Variants in CELF2 observed in about 807,000 individuals in gnomAD.
The protein encoded by CELF2 is CUG triplet repeat RNA-binding protein 2.
A neutral mutation model predicts 62.6 loss-of-function variants in CELF2; 8 were observed. That is an observed-to-expected ratio of 0.13 (90% confidence interval 0.07 to 0.23). The LOEUF is 0.23. CELF2 is among the 10% of genes least tolerant of loss of function. The probability of loss-of-function intolerance (pLI) is 1.00; values close to 1 mark genes in which losing one functional copy is unlikely to be tolerated. For missense variants in CELF2, 333 were observed against 671.0 expected (o/e 0.50, Z 5.56); for synonymous variants, 258 against 250.0 (o/e 1.03, Z -0.30).
In CELF2 at chr10:11,018,060, C is replaced by A. The variant is rs563876031; in HGVS notation, c.-30C>A. On this transcript the variant is annotated 5_prime_UTR_variant, in exon 1 of 13. Coordinates refer to ENST00000633077, the MANE Select transcript of CELF2 (RefSeq NM_001326342.2). ...GCTCGGACGCGCGCAGAGCCGCCCC[C>A]CGCCGCTGCCGCCGCGTGCGCCCGC... The A allele has an allele frequency of 4.0e-5, 56 of 1,407,406 alleles. No individual in the cohort carries two copies. The highest frequency in any genetic ancestry group is 2.1e-4 in the South Asian group (16 of 76,596). 87.2% of individuals were successfully genotyped at this position (1,407,406 alleles called of 1,614,324 possible).
the CELF2 span, among the ~76,000 whole-genome samples, chr10:10,481,621 C>G: frequency 6.6e-6 from 1 of 152,174 alleles, no homozygotes; most frequent in African/African-American, 2.4e-5. Context: ...ACACCAGTAC[C>G]TGGCCATTTG....
At chr10:10,519,620 T>G in the CELF2 span, among the ~76,000 whole-genome samples, 1 of 152,182 alleles carries the variant, frequency 6.6e-6, no homozygotes, top group Non-Finnish European at 1.5e-5. Flanking sequence ...TCCTCAAAGC[T>G]TTCTTAGAAG....
chr10:10,749,728 C>T, the CELF2 span, among the ~76,000 whole-genome samples: 5 of 152,188 alleles, frequency 3.3e-5, no homozygotes, highest in East Asian at 3.9e-4. Flanking sequence ...TCTATAAAGA[C>T]GAAAAGACTG....
At position 11,211,784 on chromosome 10, in the gene CELF2, A is replaced by ATGTG. The variant is rs10624733; in HGVS notation, c.272-5636_272-5633dup. ...TGTGAGTGAGTGAGAGTGTGTGTGT[A>ATGTG]TGTGTGTGAGAGAGAGAGAGAGAGA... is the stretch of plus-strand genomic sequence containing the variant. On this transcript the variant is annotated intron_variant, in intron 2 of 12. Transcript: ENST00000633077. The surrounding 1 kb of genome is among the most constrained non-coding windows in gnomAD (Gnocchi z 4.8). Among the ~76,000 whole-genome samples the ATGTG allele has an allele frequency of 3.1e-4, 40 of 129,448 alleles. No individual in the cohort carries two copies. The South Asian group carries it at 4.5e-3, about 14-fold the overall frequency. The allele number at this position is 129,448 out of a possible 152,430, so 84.9% of individuals were successfully genotyped here. A position where few individuals can be genotyped will look rare whatever the true frequency, so the allele number is the denominator to read the frequency against.
chr10:11,208,186 G>A (rs1455112544), intron 2 of CELF2, among the ~76,000 whole-genome samples: 1 of 152,136 alleles, frequency 6.6e-6, no homozygotes, highest in African/African-American at 2.4e-5. Context: ...TAAAATGGGA[G>A]GGTGTGGGGA....
chr10:10,990,085 A>G lies in CELF2; in HGVS notation c.89+70086A>G, dbSNP rs1299957824. On this transcript the variant is annotated intron_variant, in intron 2 of 13. Coordinates refer to the CELF2 transcript ENST00000636488. The surrounding 1 kb of genome is among the most constrained non-coding windows in gnomAD (Gnocchi z 4.6). ...TATCTTCTCTCTGAAGAAAATCAGA[A>G]TTACCCACATACATTCACAAGAATT... Among the ~76,000 whole-genome samples the G allele has an allele frequency of 6.6e-6, 1 of 152,170 alleles. No individual in the cohort carries two copies. The highest frequency in any genetic ancestry group is 6.5e-5 in the Admixed American group (1 of 15,272).
chr10:10,501,348 T>C, the CELF2 span, among the ~76,000 whole-genome samples: 2 of 152,218 alleles, frequency 1.3e-5, no homozygotes, highest in Non-Finnish European at 2.9e-5. Flanking sequence ...TGCACTTTGC[T>C]ACTTGCTAAT....
rs925608443 is a variant in CELF2 at position 11,117,017 on chromosome 10, G to T, written c.75-48469G>T. Among the ~76,000 whole-genome samples the T allele has an allele frequency of 2.0e-5, 3 of 152,152 alleles. No individual in the cohort carries two copies. The highest frequency in any genetic ancestry group is 4.4e-5 in the Non-Finnish European group (3 of 68,028). ...GGGCACAGTTAAGTCATGTGCCCAG[G>T]ATCACACAGCTGGTAATGGCAGAAC... is the stretch of plus-strand genomic sequence containing the variant. On this transcript the variant is annotated intron_variant, in intron 1 of 12. Coordinates refer to ENST00000633077, the MANE Select transcript of CELF2 (RefSeq NM_001326342.2). The surrounding 1 kb of genome is among the most constrained non-coding windows in gnomAD (Gnocchi z 4.1).
chr10:11,018,004 T>A lies in CELF2; in HGVS notation c.-86T>A, dbSNP rs972492358. ...GCCGCCGGGGGAGGCCGCGCGCACC[T>A]GTCCCTGCCCGTCTCGCGCCGCCCG... On this transcript the variant is annotated 5_prime_UTR_variant, in exon 1 of 13. Transcript: ENST00000633077. The A allele has an allele frequency of 3.6e-4, 370 of 1,027,210 alleles. No homozygotes were observed. Among genetic ancestry groups the A allele is most frequent in the Non-Finnish European group, 4.1e-4 (354 of 860,462 alleles). 63.6% of individuals were successfully genotyped at this position (1,027,210 alleles called of 1,614,324 possible). A position where few individuals can be genotyped will look rare whatever the true frequency, so the allele number is the denominator to read the frequency against.
intron 2 of CELF2, among the ~76,000 whole-genome samples, chr10:10,989,976 T>C (rs773323983): frequency 6.6e-6 from 1 of 152,150 alleles, no homozygotes; most frequent in Admixed American, 6.5e-5. Flanking sequence ...CACTTGAGAA[T>C]AGCAAGCCAC....
chr10:11,223,937 A>G lies in CELF2; in HGVS notation c.354+6430A>G, dbSNP rs1028175645. ...CACCCGCCATAAAGTTTTACACACT[A>G]CCTGAATAGCAGGTTGTTTTGGTTT... On this transcript the variant is annotated intron_variant, in intron 3 of 12. Transcript: ENST00000633077. The surrounding 1 kb of genome is among the most constrained non-coding windows in gnomAD (Gnocchi z 5.1). Among the ~76,000 whole-genome samples, 16 of 152,252 alleles carry G rather than the reference A, an allele frequency of 1.1e-4. No individual in the cohort carries two copies. The highest frequency in any genetic ancestry group is 4.1e-4 in the South Asian group (2 of 4,836).
the CELF2 span, among the ~76,000 whole-genome samples, chr10:10,538,531 C>T: frequency 6.6e-6 from 1 of 152,144 alleles, no homozygotes; most frequent in African/African-American, 2.4e-5. Context: ...TGGCTTTAAG[C>T]CATTATCTGT....
intron 1 of CELF2, among the ~76,000 whole-genome samples, chr10:11,022,380 A>G (rs753443488): frequency 3.3e-5 from 5 of 152,156 alleles, no homozygotes; most frequent in Non-Finnish European, 5.9e-5. Context: ...TGCTGGGTTG[A>G]GATAACTTTG....
intron 1 of CELF2, among the ~76,000 whole-genome samples, chr10:11,146,827 A>G (rs1395174368): frequency 1.3e-5 from 2 of 152,204 alleles, no homozygotes; most frequent in African/African-American, 2.4e-5. Flanking sequence ...TTATCCACAT[A>G]GTGTTATCTT....
intron 1 of CELF2, among the ~76,000 whole-genome samples, chr10:11,146,233 G>T (rs941031987): frequency 1.3e-5 from 2 of 152,172 alleles, no homozygotes; most frequent in Non-Finnish European, 2.9e-5. Flanking sequence ...GTGAATGAAT[G>T]AATTATTCAA....
chr10:11,286,872 C>T (rs1005602845), intron 8 of CELF2, among the ~76,000 whole-genome samples: 2 of 152,156 alleles, frequency 1.3e-5, no homozygotes, highest in Admixed American at 6.5e-5. Context: ...CAACCTAAGC[C>T]AAAAGGTCTG....
chr10:10,653,373 G>A, the CELF2 span, among the ~76,000 whole-genome samples: 1 of 148,254 alleles, frequency 6.7e-6, no homozygotes, highest in Non-Finnish European at 1.5e-5. Flanking sequence ...GGACCTAATA[G>A]ACATTTACAG....
intron 4 of CELF2, among the ~76,000 whole-genome samples, chr10:11,252,166 G>A (rs914633609): frequency 3.9e-5 from 6 of 152,182 alleles, no homozygotes; most frequent in Non-Finnish European, 8.8e-5. Context: ...GAATCAGGAG[G>A]AATATGTAGT....
chr10:10,811,874 G>A (rs1175915359), intron 1 of CELF2, among the ~76,000 whole-genome samples: 1 of 152,144 alleles, frequency 6.6e-6, no homozygotes, highest in East Asian at 1.9e-4. Context: ...GAAGAGGGCT[G>A]CAAGGAGTTT....
Sources: allele counts gnomAD v4.1 joint callset (sites outside exome capture counted in the v4.1 genomes callset), GRCh38; gene constraint gnomAD v4.1.1; non-coding constraint Gnocchi (gnomAD v3.1); transcripts MANE v1.5; gene names NCBI Gene and HGNC (gene_info 2026-07-23, HGNC 2026-07-21).